KMT2C: variants seen among roughly 807,000 people sequenced by gnomAD.
KMT2C encodes the protein histone-lysine N-methyltransferase 2C.
A neutral mutation model predicts 507.9 loss-of-function variants in KMT2C; 88 were observed. That is an observed-to-expected ratio of 0.17 (90% CI 0.15 to 0.21). KMT2C has a LOEUF of 0.21. Ranked by LOEUF, KMT2C falls within the 10% of genes least tolerant of loss-of-function variation. KMT2C has a pLI of 1.00. For synonymous variants in KMT2C, 2,049 were observed against 2,080.8 expected (o/e 0.98, Z 0.42); for missense variants, 4,954 against 5,957.8 (o/e 0.83, Z 5.55).
At chr7:152,329,702 A>G (rs2096862610) in intron 3 of KMT2C, among the ~76,000 whole-genome samples, 1 of 148,676 alleles carries the variant, frequency 6.7e-6, no homozygotes, top group Non-Finnish European at 1.5e-5. Context: ...GAGGGCGGGA[A>G]GGAAGGAGGG....
rs773230059 is a variant in KMT2C at position 152,181,697 on chromosome 7, C to G, written c.6163G>C (p.Asp2055His). The change falls in exon 36 of 59, where the codon GAT (aspartate) becomes CAT (histidine). Residue 2055 changes from aspartate (D) to histidine (H), a missense_variant. Physicochemically the swap from Asp to His is moderately conservative, Grantham distance 81. Around this residue, in one of 29 missense-constraint regions of KMT2C, gnomAD observed 1,689 missense variants for 1,654.3 expected, o/e 1.02. Transcript: ENST00000262189. ...TPMQPPPSSQ[D>H]PYGSVSQASR... is the part of the protein sequence containing the mutation. ...GCCTGTGACACTGATCCATAAGGATCCTGAGAGGATGGAGGAGGTTGCATT... is the reference window on the plus strand; with the variant it reads ...GCCTGTGACACTGATCCATAAGGATGCTGAGAGGATGGAGGAGGTTGCATT... The G allele has an allele frequency of 1.2e-6, 2 of 1,614,052 alleles. No homozygotes were observed. Among genetic ancestry groups the G allele is most frequent in the Non-Finnish European group, 1.7e-6 (2 of 1,180,002 alleles).
At chr7:152,203,187 C>T in intron 25 of KMT2C, 123 bp from the exon 26 acceptor site, 1 of 677,806 alleles carries the variant, frequency 1.5e-6, no homozygotes, top group Non-Finnish European at 2.2e-6. Context: ...GCTTTTTGAA[C>T]AAAAAAATCT....
chr7:152,263,649 C>T (rs112175710), intron 8 of KMT2C, among the ~76,000 whole-genome samples: 11 of 151,988 alleles, frequency 7.2e-5, no homozygotes, highest in African/African-American at 2.2e-4. Flanking sequence ...AAGATTACTG[C>T]GAGAATTAAA....
chr7:152,234,116 G>A (rs1158810711), intron 16 of KMT2C, among the ~76,000 whole-genome samples: 1 of 151,276 alleles, frequency 6.6e-6, no homozygotes, highest in Non-Finnish European at 1.5e-5. Flanking sequence ...GCCTGGGCAT[G>A]GTGGCTCACG....
intron 1 of KMT2C, among the ~76,000 whole-genome samples, chr7:152,361,406 CA>C (rs978295803): frequency 1.3e-5 from 2 of 151,630 alleles, no homozygotes; most frequent in African/African-American, 4.8e-5. Context: ...TAAAAATATA[CA>C]AAAAAATTAG....
chr7:152,252,482 G>T, intron 10 of KMT2C, 64 bp downstream of exon 10: 1 of 1,331,612 alleles, frequency 7.5e-7, no homozygotes, highest in East Asian at 2.3e-5. Context: ...TAAGATGGTA[G>T]AGCAAATGAC....
At chr7:152,175,100 T>C (rs542435302) in intron 38 of KMT2C, among the ~76,000 whole-genome samples, 12 of 152,230 alleles carry the variant, frequency 7.9e-5, no homozygotes, top group Non-Finnish European at 1.6e-4. Flanking sequence ...TAACTCAGTT[T>C]TGAATCTCTT....
chr7:152,328,909 T>C (rs1024752886), intron 3 of KMT2C, among the ~76,000 whole-genome samples: 1 of 152,024 alleles, frequency 6.6e-6, no homozygotes, highest in Admixed American at 6.6e-5. Context: ...AGAAGCAGAT[T>C]TGGGGCAGAG....
At chr7:152,164,438 C>T (rs1249630916) in intron 42 of KMT2C, among the ~76,000 whole-genome samples, 1 of 151,684 alleles carries the variant, frequency 6.6e-6, no homozygotes, top group Non-Finnish European at 1.5e-5. Context: ...TACAGGCGCC[C>T]GCTACCACGC....
chr7:152,250,594 A>G (rs957949611), intron 12 of KMT2C, among the ~76,000 whole-genome samples: 43 of 152,212 alleles, frequency 2.8e-4, no homozygotes, highest in African/African-American at 1.0e-3. Context: ...CTAAAGAAAT[A>G]AAAATACGAA....
At chr7:152,247,664 G>C (rs1252522363) in intron 14 of KMT2C, among the ~76,000 whole-genome samples, 1 of 152,290 alleles carries the variant, frequency 6.6e-6, no homozygotes, top group Non-Finnish European at 1.5e-5. Context: ...TCAATAGGTT[G>C]CATCTTTATG....
chr7:152,331,402 G>C (rs1485101630), intron 2 of KMT2C, among the ~76,000 whole-genome samples: 1 of 151,752 alleles, frequency 6.6e-6, no homozygotes, highest in African/African-American at 2.4e-5. Context: ...CATATTGCTT[G>C]AGCCCAGTAG....
At position 152,167,137 on chromosome 7, in the gene KMT2C, A is replaced by G. The variant is rs1364918071; in HGVS notation, c.9750+9T>C. On this transcript the variant is annotated intron_variant, in intron 42 of 58. Transcript: ENST00000262189. The stretch of plus-strand genomic sequence containing the variant: ...TTGGTAGTTTCTATTTTGCAAACCT[A>G]TTTATTACCTGTTCTAGCTGTTTCT... 1.2e-6 allele frequency: 2 copies of G among 1,608,350 alleles called. No homozygotes were observed. Among genetic ancestry groups the G allele is most frequent in the Middle Eastern group, 1.7e-4 (1 of 6,050 alleles).
At chr7:152,287,231 A>G (rs2096315846) in intron 6 of KMT2C, among the ~76,000 whole-genome samples, 1 of 152,220 alleles carries the variant, frequency 6.6e-6, no homozygotes, top group Non-Finnish European at 1.5e-5. Flanking sequence ...GGAGAGGCCT[A>G]TTGGAGAATC....
Position 152,321,188 on chromosome 7 carries a change from C to T in KMT2C, c.390-5850G>A, listed in dbSNP as rs187828068. On this transcript the variant is annotated intron_variant, in intron 3 of 58. Transcript: ENST00000262189. Reference sequence around the variant, plus strand: ...GGTGGTGGTTCCAGTGAGCCAAGATCGCACCATTGCATAGCCTGGGCAACA... The same window carrying T: ...GGTGGTGGTTCCAGTGAGCCAAGATTGCACCATTGCATAGCCTGGGCAACA... Among the ~76,000 whole-genome samples the T allele has an allele frequency of 2.2e-4, 34 of 152,004 alleles. 1 individual carries two copies. Among genetic ancestry groups the T allele is most frequent in the Middle Eastern group, 6.8e-3 (2 of 294 alleles).
intron 2 of KMT2C, among the ~76,000 whole-genome samples, chr7:152,353,803 A>G (rs2097132144): frequency 6.6e-6 from 1 of 152,148 alleles, no homozygotes; most frequent in South Asian, 2.1e-4. Flanking sequence ...CCAGCGTAAT[A>G]CCCTTATATT....
At chr7:152,320,740 A>C (rs1274320680) in intron 3 of KMT2C, among the ~76,000 whole-genome samples, 2 of 152,000 alleles carry the variant, frequency 1.3e-5, no homozygotes, top group African/African-American at 4.8e-5. Context: ...GAGCATAATA[A>C]ATTAGTTTGA....
intron 23 of KMT2C, among the ~76,000 whole-genome samples, chr7:152,219,278 C>CT (rs112577043): frequency 2.8e-4 from 42 of 152,042 alleles, no homozygotes; most frequent in African/African-American, 9.9e-4. Context: ...CCAGGCAATT[C>CT]TTATCAAACT....
At chr7:152,422,809 G>A (rs970895582) in intron 1 of KMT2C, among the ~76,000 whole-genome samples, 1 of 151,824 alleles carries the variant, frequency 6.6e-6, no homozygotes, top group Non-Finnish European at 1.5e-5. Flanking sequence ...AGATCACGAG[G>A]TCAGGAGATC....
Sources: allele counts gnomAD v4.1 joint callset (sites outside exome capture counted in the v4.1 genomes callset), GRCh38; gene constraint gnomAD v4.1.1; regional missense constraint gnomAD v4.1.1; transcripts MANE v1.5; gene names NCBI Gene and HGNC (gene_info 2026-07-23, HGNC 2026-07-21).